SCAPER: variants seen among roughly 807,000 people sequenced by gnomAD.
The protein encoded by SCAPER is S-phase cyclin A associated protein in the ER.
Under a neutral mutation model 182.2 loss-of-function variants are expected in SCAPER, and 98 were observed. The observed-to-expected ratio is 0.54, with a 90% CI of 0.46 to 0.64. SCAPER has a LOEUF of 0.64. SCAPER is among the 30% of genes least tolerant of loss of function. The probability of loss-of-function intolerance (pLI) is 0.00; values close to 1 mark genes in which losing one functional copy is unlikely to be tolerated. For synonymous variants in SCAPER, 605 were observed against 564.6 expected, an observed-to-expected ratio of 1.07 and a Z score of -1.01; for missense variants, 1,432 against 1,690.0, an observed-to-expected ratio of 0.85 and a Z score of 2.68.
At chr15:76,761,260 AT>A (rs535748811) in intron 14 of SCAPER, among the ~76,000 whole-genome samples, 10 of 151,742 alleles carry the variant, frequency 6.6e-5, no homozygotes, top group Non-Finnish European at 1.2e-4. Context: ...TAAGAGTTTG[AT>A]TTTTTTCTTT....
At chr15:76,688,998 G>A (rs990932066) in intron 20 of SCAPER, among the ~76,000 whole-genome samples, 2 of 151,828 alleles carry the variant, frequency 1.3e-5, no homozygotes, top group African/African-American at 4.8e-5. Flanking sequence ...ACAGGTGCTC[G>A]TCACCACGGC....
intron 14 of SCAPER, among the ~76,000 whole-genome samples, chr15:76,763,829 T>C (rs1411471871): frequency 1.3e-5 from 2 of 152,240 alleles, no homozygotes; most frequent in Admixed American, 6.5e-5. Context: ...CTTCACTTTC[T>C]TGATGTTCTC....
chr15:76,803,667 C>T (rs1271413304), intron 6 of SCAPER, among the ~76,000 whole-genome samples: 2 of 152,204 alleles, frequency 1.3e-5, no homozygotes, highest in Non-Finnish European at 2.9e-5. Context: ...CATCTTTCAG[C>T]TGTGTCTTCA....
intron 17 of SCAPER, among the ~76,000 whole-genome samples, chr15:76,720,919 C>G (rs1332508041): frequency 6.6e-6 from 1 of 152,152 alleles, no homozygotes. Flanking sequence ...TGCAGAAGGT[C>G]TTTAGTTTAA....
chr15:76,510,771 G>A (rs758377455), intron 23 of SCAPER, among the ~76,000 whole-genome samples: 41 of 152,314 alleles, frequency 2.7e-4, no homozygotes, highest in Non-Finnish European at 5.3e-4. Flanking sequence ...ACTTGCTCAC[G>A]CATGTTTATA....
chr15:76,528,853 A>G (rs1191885166), intron 23 of SCAPER, among the ~76,000 whole-genome samples: 1 of 151,950 alleles, frequency 6.6e-6, no homozygotes, highest in East Asian at 1.9e-4. Flanking sequence ...ACCATTCCCA[A>G]CCTAGCTATG....
chr15:76,713,628 G>A (rs2059717260), intron 17 of SCAPER, among the ~76,000 whole-genome samples: 1 of 151,812 alleles, frequency 6.6e-6, no homozygotes. Context: ...GGGGACTGTT[G>A]TGGGGTGGGG....
At chr15:76,545,737 T>C (rs1449215798) in intron 23 of SCAPER, among the ~76,000 whole-genome samples, 3 of 152,024 alleles carry the variant, frequency 2.0e-5, no homozygotes, top group Non-Finnish European at 4.4e-5. Context: ...TCTCAGTAAG[T>C]CGAGAAGACA....
chr15:76,526,520 C>T (rs759551041), intron 23 of SCAPER, among the ~76,000 whole-genome samples: 3 of 152,168 alleles, frequency 2.0e-5, no homozygotes, highest in Non-Finnish European at 4.4e-5. Context: ...CCATTCTCTT[C>T]ATCCAGAACT....
intron 28 of SCAPER, 60 bp downstream of exon 28, chr15:76,381,318 A>G (rs1451360853): frequency 3.6e-6 from 5 of 1,401,618 alleles, no homozygotes; most frequent in Non-Finnish European, 5.0e-6. Flanking sequence ...CTGACATCCT[A>G]TCTACACTAA....
At chr15:76,654,687 G>A (rs2055471237) in intron 21 of SCAPER, among the ~76,000 whole-genome samples, 1 of 152,188 alleles carries the variant, frequency 6.6e-6, no homozygotes, top group African/African-American at 2.4e-5. Context: ...TGGTTGCCAA[G>A]GCCACCAGGC....
intron 23 of SCAPER, among the ~76,000 whole-genome samples, chr15:76,521,575 C>T (rs1274104770): frequency 2.0e-5 from 3 of 152,004 alleles, no homozygotes; most frequent in Non-Finnish European, 4.4e-5. Context: ...CCTGATGTTA[C>T]AATTAAGTAT....
In SCAPER at chr15:76,732,286, A is replaced by G. The variant is rs2060962920; in HGVS notation, c.2022+943T>C. ...CCAGTATAATAAAATATACAAAATA[A>G]GAATAGTTATACTAGATATAGATCA... On this transcript the variant is annotated intron_variant, in intron 16 of 31. Transcript: ENST00000563290. 2.0e-5 allele frequency among the ~76,000 whole-genome samples: 3 copies of G among 152,284 alleles called. No homozygotes were observed. The South Asian group carries it at 6.2e-4, about 32-fold the overall frequency.
intron 14 of SCAPER, among the ~76,000 whole-genome samples, chr15:76,758,713 C>T (rs1474563481): frequency 6.6e-6 from 1 of 152,102 alleles, no homozygotes; most frequent in East Asian, 1.9e-4. Flanking sequence ...TCTTCTAATC[C>T]ATGAACAGGG....
chr15:76,873,794 T>C (rs2072955983), intron 2 of SCAPER, among the ~76,000 whole-genome samples: 1 of 152,200 alleles, frequency 6.6e-6, no homozygotes, highest in Admixed American at 6.5e-5. Context: ...TCCTTAGTCA[T>C]AACTCAGGTC....
At position 76,406,348 on chromosome 15, in the gene SCAPER, G is replaced by A. The variant is rs527339487; in HGVS notation, c.3312-1669C>T. On this transcript the variant is annotated intron_variant, in intron 26 of 31. Coordinates refer to ENST00000563290, the MANE Select transcript of SCAPER (RefSeq NM_020843.4). ...CAAAAATTAGCCAGGCATGGTGGCT[G>A]GAACCTGTAGTCCCAGTTACTTAGG... Among the ~76,000 whole-genome samples, 7 of 151,978 alleles carry A rather than the reference G, an allele frequency of 4.6e-5. No individual in the cohort carries two copies. The East Asian group carries it at 1.4e-3, about 29-fold the overall frequency.
chr15:76,841,492 C>T (rs2069473417), intron 5 of SCAPER, among the ~76,000 whole-genome samples: 1 of 151,934 alleles, frequency 6.6e-6, no homozygotes, highest in Non-Finnish European at 1.5e-5. Context: ...ACTAAAAATA[C>T]AAAAATTAGC....
chr15:76,528,313 AC>A (rs967006799), intron 23 of SCAPER, among the ~76,000 whole-genome samples: 5 of 151,938 alleles, frequency 3.3e-5, no homozygotes, highest in African/African-American at 1.2e-4. Flanking sequence ...TGTTTCCTTT[AC>A]TATATCTAAG....
chr15:76,718,483 G>A (rs1435110444), intron 17 of SCAPER, among the ~76,000 whole-genome samples: 1 of 151,818 alleles, frequency 6.6e-6, no homozygotes, highest in Non-Finnish European at 1.5e-5. Context: ...GAGGTCAGGA[G>A]TTCGAAAATC....
Sources: allele counts gnomAD v4.1 joint callset (sites outside exome capture counted in the v4.1 genomes callset), GRCh38; gene constraint gnomAD v4.1.1; transcripts MANE v1.5; gene names NCBI Gene and HGNC (gene_info 2026-07-23, HGNC 2026-07-21).